The following TTLL7 variants were observed in gnomAD, a reference collection of about 807,000 sequenced individuals.
TTLL7 encodes tubulin tyrosine ligase like 7.
TTLL7 carries 53 observed loss-of-function variants against 120.2 expected under a neutral mutation model. The observed-to-expected ratio is 0.44, with a 90% CI of 0.35 to 0.55. The LOEUF (loss-of-function observed/expected upper bound fraction) is 0.55, where lower values mean the gene tolerates loss of function less well. Ranked by LOEUF, TTLL7 falls within the 20% of genes least tolerant of loss-of-function variation. The probability of loss-of-function intolerance (pLI) is 0.00; values close to 1 mark genes in which losing one functional copy is unlikely to be tolerated. For synonymous variants in TTLL7, 353 were observed against 351.7 expected (o/e 1.00, Z -0.04); for missense variants, 803 against 1,054.7 (o/e 0.76, Z 3.31).
At chr1:83,996,284 A>C (rs1308492737) in intron 1 of TTLL7, among the ~76,000 whole-genome samples, 3 of 152,188 alleles carry the variant, frequency 2.0e-5, no homozygotes, top group Non-Finnish European at 4.4e-5. Flanking sequence ...TACCCAGGAA[A>C]CAGACCATTT....
intron 19 of TTLL7, chr1:83,887,308 T>C (rs1655049012): frequency 1.0e-6 from 1 of 971,386 alleles, no homozygotes; most frequent in South Asian, 1.5e-5. Context: ...TTGAACCTTA[T>C]ATTAAAATCA....
chr1:83,975,222 A>T (rs1651356390), intron 1 of TTLL7, among the ~76,000 whole-genome samples: 1 of 152,128 alleles, frequency 6.6e-6, no homozygotes, highest in Non-Finnish European at 1.5e-5. Flanking sequence ...GCACAAAAGG[A>T]GCTTTAAGAA....
At chr1:83,898,954 C>T (rs1656476271) in intron 18 of TTLL7, among the ~76,000 whole-genome samples, 1 of 151,730 alleles carries the variant, frequency 6.6e-6, no homozygotes, top group African/African-American at 2.4e-5. Flanking sequence ...CTGTTGCTGG[C>T]TGGTTTGCAC....
intron 20 of TTLL7, among the ~76,000 whole-genome samples, chr1:83,873,985 G>A (rs1653685748): frequency 6.6e-6 from 1 of 152,032 alleles, no homozygotes; most frequent in African/African-American, 2.4e-5. Context: ...TAACATGAGT[G>A]TACTATTAAA....
At chr1:83,914,452 C>A (rs1657951520) in intron 14 of TTLL7, among the ~76,000 whole-genome samples, 2 of 151,190 alleles carry the variant, frequency 1.3e-5, no homozygotes, top group South Asian at 2.1e-4. Context: ...CTGCTTCAGC[C>A]TCCCGAGTAG....
chr1:83,974,011 G>A (rs774878889), intron 1 of TTLL7, among the ~76,000 whole-genome samples: 6 of 151,678 alleles, frequency 4.0e-5, no homozygotes, highest in Non-Finnish European at 7.4e-5. Flanking sequence ...AGATTTTTGC[G>A]GTTCACTCTA....
intron 1 of TTLL7, among the ~76,000 whole-genome samples, chr1:83,970,824 G>A (rs1650904659): frequency 2.0e-5 from 3 of 151,984 alleles, no homozygotes; most frequent in Admixed American, 2.0e-4. Context: ...CCAATAAAGG[G>A]TGTATGATAA....
At chr1:83,899,853 T>A (rs1489278775) in intron 18 of TTLL7, among the ~76,000 whole-genome samples, 1 of 151,958 alleles carries the variant, frequency 6.6e-6, no homozygotes, top group Non-Finnish European at 1.5e-5. Context: ...TGATTAATAC[T>A]TAAAGGTGGT....
At chr1:83,885,487 C>A (rs1283509571) in intron 19 of TTLL7, among the ~76,000 whole-genome samples, 1 of 151,886 alleles carries the variant, frequency 6.6e-6, no homozygotes, top group Non-Finnish European at 1.5e-5. Context: ...CCAGCTTTGG[C>A]TTCTCACTCT....
chr1:83,926,422 G>A (rs1316161775), intron 10 of TTLL7, among the ~76,000 whole-genome samples: 2 of 152,078 alleles, frequency 1.3e-5, no homozygotes, highest in East Asian at 3.9e-4. Flanking sequence ...GCTCCAGAGT[G>A]GGTCAAAGCT....
intron 1 of TTLL7, among the ~76,000 whole-genome samples, chr1:83,997,976 A>G (rs1557837274): frequency 1.3e-5 from 2 of 152,202 alleles, no homozygotes; most frequent in African/African-American, 4.8e-5. Flanking sequence ...TTTCTTTCAT[A>G]TTGAAGGAGC....
rs1652902526 is a variant in TTLL7 at position 83,866,189 on chromosome 1, A to T, written c.*3773T>A. 1 of 151,894 alleles carries T rather than the reference A, an allele frequency of 6.6e-6. No homozygotes were observed. Among genetic ancestry groups the T allele is most frequent in the Non-Finnish European group, 1.5e-5 (1 of 67,788 alleles). 9.4% of individuals were successfully genotyped at this position (151,894 alleles called of 1,614,324 possible). On this transcript the variant is annotated 3_prime_UTR_variant, in exon 21 of 21. Transcript: ENST00000260505. ...TTGAGGTATTTACTATTTTTTAAAG[A>T]ATACACATTTAAGAATGAATCAATG...
chr1:83,972,824 T>C (rs995301291), intron 1 of TTLL7, among the ~76,000 whole-genome samples: 2 of 152,130 alleles, frequency 1.3e-5, no homozygotes, highest in Non-Finnish European at 2.9e-5. Context: ...CCTAATGACA[T>C]AGATGCGGAG....
chr1:83,877,132 C>T lies in TTLL7; in HGVS notation c.2543+5831G>A, dbSNP rs1410068142. ...TATTGAATTCTATCAAGATTTTTAT[C>T]TCTATCTTTTGAAATTACCTTTTAT... On this transcript the variant is annotated intron_variant, in intron 20 of 20. Transcript: ENST00000260505. 3.3e-5 allele frequency among the ~76,000 whole-genome samples: 5 copies of T among 151,948 alleles called. No individual in the cohort carries two copies. The East Asian group carries it at 9.6e-4, about 29-fold the overall frequency.
intron 4 of TTLL7, chr1:83,949,073 T>C (rs1648779370): frequency 6.2e-6 from 1 of 160,438 alleles, no homozygotes; most frequent in Non-Finnish European, 1.4e-5. Context: ...TATTACCTTC[T>C]AAACTAATAA....
chr1:83,897,117 G>T (rs576464923), intron 18 of TTLL7, among the ~76,000 whole-genome samples: 6 of 151,580 alleles, frequency 4.0e-5, no homozygotes, highest in Non-Finnish European at 8.8e-5. Context: ...TAATTTCCAA[G>T]AACAGAAAAA....
At chr1:83,877,410 G>A (rs1204937396) in intron 20 of TTLL7, among the ~76,000 whole-genome samples, 1 of 151,934 alleles carries the variant, frequency 6.6e-6, no homozygotes. Context: ...AAGAGTGTTC[G>A]CTCCTTTGCT....
At chr1:83,972,667 C>T (rs1452138936) in intron 1 of TTLL7, among the ~76,000 whole-genome samples, 1 of 152,066 alleles carries the variant, frequency 6.6e-6, no homozygotes, top group African/African-American at 2.4e-5. Flanking sequence ...TCCAAAGTAT[C>T]TGTGCCATTT....
intron 1 of TTLL7, among the ~76,000 whole-genome samples, chr1:83,997,962 C>T (rs898052917): frequency 8.5e-5 from 13 of 152,156 alleles, no homozygotes; most frequent in African/African-American, 3.1e-4. Context: ...TGATTCAAAG[C>T]ATCTTTCTTT....
Sources: gnomAD v4.1 joint callset for allele counts (sites outside exome capture counted in the v4.1 genomes callset) on GRCh38, gnomAD v4.1.1 for gene constraint, MANE v1.5 for transcripts, NCBI Gene and HGNC (gene_info 2026-07-23, HGNC 2026-07-21) for gene names.